Variants in HOMER2 observed in about 807,000 individuals in gnomAD.
HOMER2 encodes homer protein homolog 2.
HOMER2 carries 27 observed loss-of-function variants against 47.0 expected under a neutral mutation model. The ratio of observed to expected loss-of-function variants is 0.57; its 90% CI spans 0.42 to 0.79. The LOEUF (loss-of-function observed/expected upper bound fraction) is 0.79. HOMER2 is among the 30% of genes least tolerant of loss of function. HOMER2 has a pLI of 0.00. For synonymous variants in HOMER2, 161 were observed against 163.8 expected (o/e 0.98, Z 0.13); for missense variants, 443 against 435.0 (o/e 1.02, Z -0.16).
chr15:82,954,440 G>A (rs570680482), upstream of HOMER2, among the ~76,000 whole-genome samples: 1 of 150,484 alleles, frequency 6.6e-6, no homozygotes, highest in Non-Finnish European at 1.5e-5. Flanking sequence ...TGCGACTGCA[G>A]GCGCATGCCA....
chr15:82,921,676 C>A (rs142803508), intron 1 of HOMER2, among the ~76,000 whole-genome samples: 3 of 152,192 alleles, frequency 2.0e-5, no homozygotes, highest in African/African-American at 7.2e-5. Context: ...CCACTTCTCA[C>A]TCCTGCCCTT....
chr15:82,952,899 T>C (rs2054540963), upstream of HOMER2, among the ~76,000 whole-genome samples: 1 of 151,852 alleles, frequency 6.6e-6, no homozygotes, highest in Non-Finnish European at 1.5e-5. Flanking sequence ...TCGCCGCTTT[T>C]CTCCCGGGCC....
chr15:82,869,299 A>G (rs1272501501), intron 3 of HOMER2, among the ~76,000 whole-genome samples: 2 of 152,114 alleles, frequency 1.3e-5, no homozygotes. Context: ...AACAAACCAC[A>G]TAATCTTCTG....
chr15:82,902,316 G>C (rs1284939813), intron 1 of HOMER2, among the ~76,000 whole-genome samples: 1 of 151,052 alleles, frequency 6.6e-6, no homozygotes, highest in African/African-American at 2.4e-5. Flanking sequence ...TCCTGCCTCA[G>C]CTTCCTGAGT....
At chr15:82,893,837 G>A (rs1394901366) in intron 1 of HOMER2, among the ~76,000 whole-genome samples, 3 of 152,060 alleles carry the variant, frequency 2.0e-5, no homozygotes, top group Admixed American at 2.0e-4. Flanking sequence ...GTGTTGCCCA[G>A]GCTAGTCTTA....
upstream of HOMER2, among the ~76,000 whole-genome samples, chr15:82,954,725 A>T (rs1274473400): frequency 6.6e-6 from 1 of 152,186 alleles, no homozygotes; most frequent in African/African-American, 2.4e-5. Flanking sequence ...AAAAAGTTAT[A>T]TAAAACAATG....
At chr15:82,881,145 CTA>C (rs1278286309) in intron 2 of HOMER2, among the ~76,000 whole-genome samples, 2 of 152,210 alleles carry the variant, frequency 1.3e-5, no homozygotes, top group African/African-American at 2.4e-5. Flanking sequence ...TGAGTCATCT[CTA>C]AAACTTTCAC....
chr15:82,851,112 T>C (rs1458503755), intron 8 of HOMER2, 39 bp downstream of exon 8: 3 of 1,334,690 alleles, frequency 2.2e-6, no homozygotes, highest in Non-Finnish European at 3.2e-6. Context: ...TTGTGCCTTC[T>C]TGTCTGAGCC....
chr15:82,870,473 G>C (rs192926521), intron 3 of HOMER2, among the ~76,000 whole-genome samples: 22 of 152,100 alleles, frequency 1.4e-4, no homozygotes, highest in Non-Finnish European at 2.2e-4. Flanking sequence ...AAAGAAAAAA[G>C]AAACAAATGA....
At chr15:82,935,245 C>T (rs1366179668) in intron 1 of HOMER2, among the ~76,000 whole-genome samples, 5 of 152,192 alleles carry the variant, frequency 3.3e-5, no homozygotes, top group Non-Finnish European at 4.4e-5. Flanking sequence ...TCCCCAGCCT[C>T]GCACTCACCT....
chr15:82,975,889 G>A (rs920718266), intron 1 of HOMER2, among the ~76,000 whole-genome samples: 10 of 152,164 alleles, frequency 6.6e-5, no homozygotes, highest in African/African-American at 2.4e-4. Context: ...AAGGATAAAT[G>A]CTTGAGGGGA....
intron 3 of HOMER2, 29 bp from the exon 4 acceptor site, chr15:82,864,288 T>G (rs2051892122): frequency 1.3e-6 from 2 of 1,484,894 alleles, no homozygotes. Context: ...TATTAAGGCT[T>G]TTATTAACCT....
chr15:82,959,835 G>T (rs2054615745), intron 1 of HOMER2, among the ~76,000 whole-genome samples: 1 of 152,142 alleles, frequency 6.6e-6, no homozygotes, highest in Admixed American at 6.5e-5. Flanking sequence ...TCACTGGCTG[G>T]GCTTGTATGA....
chr15:82,916,544 G>A lies in HOMER2; in HGVS notation c.6-23703C>T, dbSNP rs1275963838. On this transcript the variant is annotated intron_variant, in intron 1 of 8. Transcript: ENST00000450735. ...TTGCTGCAATGAGAAGTCTTATCCA[G>A]GCAAGAGAGAGGCCAGTGTCTCTTG... Among the ~76,000 whole-genome samples, 3 of 152,164 alleles carry A rather than the reference G, an allele frequency of 2.0e-5. No individual in the cohort carries two copies. The East Asian group carries it at 5.8e-4, about 29-fold the overall frequency.
At chr15:82,904,940 C>A (rs1285060258) in intron 1 of HOMER2, among the ~76,000 whole-genome samples, 1 of 152,060 alleles carries the variant, frequency 6.6e-6, no homozygotes, top group African/African-American at 2.4e-5. Context: ...AGTATGAGAA[C>A]CTGCAGTCGT....
intron 5 of HOMER2, among the ~76,000 whole-genome samples, chr15:82,857,246 C>T (rs1212430163): frequency 6.6e-6 from 1 of 152,062 alleles, no homozygotes; most frequent in Non-Finnish European, 1.5e-5. Flanking sequence ...AGGGAGAAGA[C>T]TGTGGTCTAT....
At chr15:82,861,105 A>G (rs1303110122) in intron 4 of HOMER2, among the ~76,000 whole-genome samples, 1 of 152,252 alleles carries the variant, frequency 6.6e-6, no homozygotes, top group Non-Finnish European at 1.5e-5. Flanking sequence ...GGTAAGAAAA[A>G]GCCTTATTCA....
Position 82,901,421 on chromosome 15 carries a change from T to A in HOMER2, c.6-8580A>T, listed in dbSNP as rs2053114117. On this transcript the variant is annotated intron_variant, in intron 1 of 8. Transcript: ENST00000450735. Reference sequence around the variant, plus strand: ...ACAGGGACAGAAGAGAAAATAAAACTCACTAGCAACATAGCAATGCCATCC... The same window carrying A: ...ACAGGGACAGAAGAGAAAATAAAACACACTAGCAACATAGCAATGCCATCC... 2.6e-5 allele frequency among the ~76,000 whole-genome samples: 4 copies of A among 151,956 alleles called. No homozygotes were observed. The South Asian group carries it at 8.3e-4, about 32-fold the overall frequency.
chr15:82,882,881 C>CTTTTTT (rs757073475), intron 2 of HOMER2, among the ~76,000 whole-genome samples: 487 of 26,920 alleles, frequency 0.018, no homozygotes, highest in East Asian at 0.051. Context: ...CCAGCCACTG[C>CTTTTTT]TTTTTTTTTT....
Sources: gnomAD v4.1 joint callset for allele counts (sites outside exome capture counted in the v4.1 genomes callset) on GRCh38, gnomAD v4.1.1 for gene constraint, MANE v1.5 for transcripts, NCBI Gene and HGNC (gene_info 2026-07-23, HGNC 2026-07-21) for gene names.